Variants in WDR19 observed in about 807,000 individuals in gnomAD.
WDR19 encodes WD repeat-containing protein 19.
A neutral mutation model predicts 180.0 loss-of-function variants in WDR19; 121 were observed. That is an observed-to-expected ratio of 0.67 (90% CI 0.58 to 0.78). The LOEUF is 0.78. Ranked by LOEUF, WDR19 falls within the 30% of genes least tolerant of loss-of-function variation. The pLI, the probability that WDR19 is intolerant of heterozygous loss-of-function variation, is 0.00. For synonymous variants in WDR19, 497 were observed against 540.7 expected (o/e 0.92, Z 1.12); for missense variants, 1,450 against 1,640.7 (o/e 0.88, Z 2.01).
intron 14 of WDR19, among the ~76,000 whole-genome samples, chr4:39,220,693 A>G (rs562895302): frequency 1.0e-3 from 154 of 147,992 alleles, no homozygotes; most frequent in Non-Finnish European, 1.7e-3. Context: ...TATTTTTAGT[A>G]GAGACGGGGT....
intron 1 of WDR19, 126 bp from the exon 2 acceptor site, chr4:39,185,600 C>A (rs1725429622): frequency 2.3e-6 from 2 of 870,198 alleles, no homozygotes; most frequent in Non-Finnish European, 3.6e-6. Context: ...TAGATAAGCT[C>A]TAACATAATC....
intron 36 of WDR19, among the ~76,000 whole-genome samples, chr4:39,284,394 A>G (rs1007662160): frequency 1.5e-5 from 2 of 133,600 alleles, no homozygotes; most frequent in Non-Finnish European, 3.1e-5. Context: ...GCTGGGGTGC[A>G]GTGCCACAAT....
chr4:39,193,948 A>G (rs142224621), intron 4 of WDR19, among the ~76,000 whole-genome samples: 158 of 152,314 alleles, frequency 1.0e-3, no homozygotes, highest in Non-Finnish European at 1.8e-3. Context: ...TCTTTTCTCA[A>G]TATATGGAAA....
intron 12 of WDR19, 32 bp downstream of exon 12, chr4:39,216,242 T>A: frequency 6.7e-7 from 1 of 1,484,712 alleles, no homozygotes; most frequent in Non-Finnish European, 9.0e-7. Context: ...TATTCTTATC[T>A]AGCACATAAT....
intron 24 of WDR19, among the ~76,000 whole-genome samples, chr4:39,245,961 C>G (rs1365476760): frequency 6.6e-6 from 1 of 152,050 alleles, no homozygotes; most frequent in Non-Finnish European, 1.5e-5. Flanking sequence ...TAGTTAATAT[C>G]CTAAACATAC....
chr4:39,281,786 G>T (rs6531703), intron 36 of WDR19, among the ~76,000 whole-genome samples: 73,360 of 151,980 alleles, frequency 0.48, 18,554 homozygotes, highest in African/African-American at 0.64. Context: ...CTCTCAAGGC[G>T]ATAATCATCG....
rs1470166429 is a variant in WDR19, at chr4:39,253,201, C to T, written c.2785C>T (p.Arg929Cys). The T allele has an allele frequency of 1.4e-5, 23 of 1,612,726 alleles. No individual in the cohort carries two copies. The highest frequency in any genetic ancestry group is 2.2e-5 in the East Asian group (1 of 44,786). Residue 929 changes from arginine to cysteine, a missense_variant, in exon 25 of 37, where the codon CGC becomes TGC. Arg to Cys is a radical substitution (Grantham distance 180, BLOSUM62 -3). Coordinates refer to ENST00000399820, the MANE Select transcript of WDR19 (RefSeq NM_025132.4). ...ENAKQWQSVI[R>C]IYLDHLNNPE... ...TGCAAAACAGTGGCAAAGTGTAATC[C>T]GCATCTATCTGGATCACCTCAATAA...
intron 7 of WDR19, among the ~76,000 whole-genome samples, 165 bp downstream of exon 7, chr4:39,203,887 A>G (rs1200623122): frequency 6.6e-6 from 1 of 152,216 alleles, no homozygotes; most frequent in African/African-American, 2.4e-5. Context: ...AGTTGTTGTA[A>G]TTGCTACTGA....
In WDR19 at chr4:39,189,788, T is replaced by C; in HGVS notation, c.290+7T>C. ...AGTTAGACAATGGCATGAGGTAAGA[T>C]AACTTTTTAATTTTTTAAAGCTTCA... On this transcript the variant is annotated splice_region_variant and intron_variant, in intron 4 of 36. Coordinates refer to ENST00000399820, the MANE Select transcript of WDR19 (RefSeq NM_025132.4). The C allele has an allele frequency of 1.3e-6, 2 of 1,589,936 alleles. No individual in the cohort carries two copies. Among genetic ancestry groups the C allele is most frequent in the Middle Eastern group, 1.7e-4 (1 of 5,988 alleles).
chr4:39,242,828 A>G (rs1732099673), intron 21 of WDR19, among the ~76,000 whole-genome samples: 1 of 151,886 alleles, frequency 6.6e-6, no homozygotes, highest in Non-Finnish European at 1.5e-5. Context: ...GGCCACCACG[A>G]TTGGCTAATT....
intron 35 of WDR19, 114 bp downstream of exon 35, chr4:39,278,321 A>T: frequency 9.1e-7 from 1 of 1,095,050 alleles, no homozygotes; most frequent in Non-Finnish European, 1.3e-6. Flanking sequence ...ATCTCTAAAG[A>T]CTCAAATTGT....
At chr4:39,205,528 C>T (rs1441777447) in intron 8 of WDR19, 35 bp from the exon 9 acceptor site, 1 of 1,590,842 alleles carries the variant, frequency 6.3e-7, no homozygotes, top group African/African-American at 1.3e-5. Context: ...TAGCTAATCT[C>T]CTTGTTTACC....
Position 39,270,078 on chromosome 4 carries a change from T to G in WDR19, c.3461T>G (p.Leu1154Arg). 1.2e-6 allele frequency: 2 copies of G among 1,613,940 alleles called. No homozygotes were observed. Among genetic ancestry groups the G allele is most frequent in the Non-Finnish European group, 1.7e-6 (2 of 1,179,876 alleles). The part of the protein sequence containing the change: ...PSEMATNLMI[L>R]HSYILVKIHV... The stretch of plus-strand genomic sequence containing the variant: ...GAGATGGCCACCAACCTCATGATTC[T>G]GCACAGCTATATACTAGTAAAGGTG... Residue 1154 changes from leucine (L) to arginine (R), a missense_variant, in exon 31 of 37, where the codon CTG becomes CGG. By Grantham distance (102) the Leu-to-Arg change is moderately radical. Coordinates refer to ENST00000399820, the MANE Select transcript of WDR19 (RefSeq NM_025132.4).
chr4:39,231,709 G>A lies in WDR19; in HGVS notation c.1983-88G>A, dbSNP rs1730886464. The stretch of plus-strand genomic sequence containing the variant: ...AAATGTTTTAGACAGTTTATCTGGG[G>A]CACGCTATTAGATGACATGTAGTCT... On this transcript the variant is annotated intron_variant, in intron 17 of 36. Coordinates refer to ENST00000399820, the MANE Select transcript of WDR19 (RefSeq NM_025132.4). 4 of 1,200,242 alleles carry A rather than the reference G, an allele frequency of 3.3e-6. No homozygotes were observed. The South Asian group carries it at 7.4e-5, about 22-fold the overall frequency. 74.3% of individuals were successfully genotyped at this position (1,200,242 alleles called of 1,614,324 possible).
At chr4:39,187,121 G>T (rs977516006) in intron 3 of WDR19, among the ~76,000 whole-genome samples, 3 of 152,032 alleles carry the variant, frequency 2.0e-5, no homozygotes, top group African/African-American at 7.2e-5. Flanking sequence ...GGTCTCAGTG[G>T]TTATTAAGAT....
intron 3 of WDR19, among the ~76,000 whole-genome samples, chr4:39,187,936 C>T (rs1469811466): frequency 6.6e-6 from 1 of 152,134 alleles, no homozygotes; most frequent in Non-Finnish European, 1.5e-5. Context: ...TCCATACTCC[C>T]CAAATCTCTG....
chr4:39,198,375 G>A (rs1183146369), intron 5 of WDR19, among the ~76,000 whole-genome samples: 1 of 148,560 alleles, frequency 6.7e-6, no homozygotes, highest in African/African-American at 2.5e-5. Flanking sequence ...TGGCTAACAT[G>A]GTGAAACCCC....
chr4:39,221,886 A>G lies in WDR19; in HGVS notation c.1480-2998A>G, dbSNP rs147987158. On this transcript the variant is annotated intron_variant, in intron 14 of 36. Transcript: ENST00000399820. ...TTGCTGAGTAGTAGTAGTCTATAGT[A>G]TGTATATATCATAATTTGCTTATCC... Among the ~76,000 whole-genome samples the G allele has an allele frequency of 2.3e-3, 352 of 152,276 alleles. 1 individual carries two copies. Among genetic ancestry groups the G allele is most frequent in the African/African-American group, 7.8e-3 (324 of 41,540 alleles).
chr4:39,258,383 C>T (rs1238842120), intron 28 of WDR19, among the ~76,000 whole-genome samples: 2 of 152,102 alleles, frequency 1.3e-5, no homozygotes, highest in Admixed American at 6.6e-5. Flanking sequence ...GAACTCCTGA[C>T]CTCGTGATCT....
Sources: allele counts gnomAD v4.1 joint callset (sites outside exome capture counted in the v4.1 genomes callset), GRCh38; gene constraint gnomAD v4.1.1; transcripts MANE v1.5; gene names NCBI Gene and HGNC (gene_info 2026-07-23, HGNC 2026-07-21).